Variants in C12orf56 observed in about 807,000 individuals in gnomAD.
C12orf56 encodes the protein uncharacterized protein C12orf56.
In C12orf56, 71 loss-of-function variants were observed where a neutral mutation model predicts 69.9. The observed-to-expected ratio is 1.02, with a 90% CI of 0.84 to 1.24. The LOEUF is 1.24. Among genes scored for constraint, C12orf56 ranks in the 50% most tolerant of loss-of-function variants. The pLI, the probability that C12orf56 is intolerant of heterozygous loss-of-function variation, is 0.00. For synonymous variants in C12orf56, 276 were observed against 274.1 expected, an observed-to-expected ratio of 1.01 and a Z score of -0.07; for missense variants, 732 against 738.5, an observed-to-expected ratio of 0.99 and a Z score of 0.10.
intron 10 of C12orf56, 113 bp from the exon 11 acceptor site, chr12:64,275,088 G>A: frequency 2.7e-6 from 3 of 1,112,614 alleles, no homozygotes; most frequent in South Asian, 3.2e-5. Flanking sequence ...CTTAAAATCA[G>A]TTTTGGAAAA....
At chr12:64,351,670 T>C (rs2039223617) in intron 2 of C12orf56, among the ~76,000 whole-genome samples, 1 of 152,068 alleles carries the variant, frequency 6.6e-6, no homozygotes, top group African/African-American at 2.4e-5. Flanking sequence ...CCTGATGTGG[T>C]CCCTGAGACT....
At chr12:64,302,302 T>C (rs2038456110) in intron 6 of C12orf56, among the ~76,000 whole-genome samples, 2 of 152,134 alleles carry the variant, frequency 1.3e-5, no homozygotes, top group Admixed American at 6.6e-5. Context: ...ACATTTGGCA[T>C]ATTATTCTCT....
chr12:64,296,702 T>A (rs1185461772), intron 6 of C12orf56, among the ~76,000 whole-genome samples: 2 of 152,122 alleles, frequency 1.3e-5, no homozygotes, highest in African/African-American at 4.8e-5. Flanking sequence ...TCTGAATGTG[T>A]CCCCCAAAGT....
At chr12:64,297,828 T>C (rs1029974250) in intron 6 of C12orf56, among the ~76,000 whole-genome samples, 9 of 152,240 alleles carry the variant, frequency 5.9e-5, no homozygotes, top group Non-Finnish European at 1.0e-4. Context: ...CTATTGTGAA[T>C]AGTGCTGCAA....
At chr12:64,379,743 C>T (rs1330995914) in intron 1 of C12orf56, among the ~76,000 whole-genome samples, 1 of 151,622 alleles carries the variant, frequency 6.6e-6, no homozygotes, top group Non-Finnish European at 1.5e-5. Flanking sequence ...AGAAAAGAAG[C>T]ATCTATAATA....
intron 6 of C12orf56, among the ~76,000 whole-genome samples, chr12:64,294,946 G>C (rs1450387483): frequency 6.6e-6 from 1 of 151,634 alleles, no homozygotes; most frequent in Non-Finnish European, 1.5e-5. Flanking sequence ...TGTCGCCCAG[G>C]CTGGAGTGCA....
intron 1 of C12orf56, among the ~76,000 whole-genome samples, chr12:64,372,921 A>T (rs1361845403): frequency 6.6e-6 from 1 of 152,166 alleles, no homozygotes. Context: ...TCTGCCTAGA[A>T]ACTTCTAATC....
chr12:64,387,923 A>C (rs2039815728), intron 1 of C12orf56, among the ~76,000 whole-genome samples: 1 of 152,240 alleles, frequency 6.6e-6, no homozygotes, highest in Non-Finnish European at 1.5e-5. Context: ...CTTTTGTGTC[A>C]AAACAATAAA....
intron 6 of C12orf56, among the ~76,000 whole-genome samples, chr12:64,297,457 A>C (rs2038381655): frequency 6.6e-6 from 1 of 152,082 alleles, no homozygotes. Context: ...TTTGTTATAC[A>C]CATGCCATGG....
chr12:64,367,488 G>C (rs2039513225), intron 1 of C12orf56, among the ~76,000 whole-genome samples: 1 of 150,666 alleles, frequency 6.6e-6, no homozygotes, highest in Admixed American at 6.7e-5. Flanking sequence ...CTCACTATGA[G>C]ACAACGTTTA....
chr12:64,347,896 C>T (rs1171238042), intron 2 of C12orf56, among the ~76,000 whole-genome samples: 1 of 152,080 alleles, frequency 6.6e-6, no homozygotes, highest in South Asian at 2.1e-4. Context: ...ATAAGATAAA[C>T]CTAAAAATTT....
At chr12:64,356,902 T>C (rs1412062376) in intron 1 of C12orf56, among the ~76,000 whole-genome samples, 2 of 152,206 alleles carry the variant, frequency 1.3e-5, no homozygotes, top group Non-Finnish European at 2.9e-5. Context: ...TTTAATGTTT[T>C]ATTGTCACTT....
At chr12:64,365,692 A>AGT (rs2039458748) in intron 1 of C12orf56, among the ~76,000 whole-genome samples, 14 of 145,562 alleles carry the variant, frequency 9.6e-5, no homozygotes, top group African/African-American at 3.2e-4. Flanking sequence ...AATATATTCT[A>AGT]TTATATAATA....
intron 2 of C12orf56, chr12:64,338,764 C>T: frequency 2.8e-6 from 4 of 1,419,724 alleles, no homozygotes; most frequent in Middle Eastern, 1.8e-4. Context: ...GCTTTATCTG[C>T]TTTTGCATGT....
intron 1 of C12orf56, among the ~76,000 whole-genome samples, chr12:64,383,361 T>C (rs2039746320): frequency 1.3e-5 from 2 of 152,002 alleles, no homozygotes; most frequent in African/African-American, 4.8e-5. Context: ...TAATTGGATT[T>C]TCCTGATTAC....
At chr12:64,351,005 A>G (rs2039215343) in intron 2 of C12orf56, among the ~76,000 whole-genome samples, 1 of 152,210 alleles carries the variant, frequency 6.6e-6, no homozygotes, top group Admixed American at 6.5e-5. Flanking sequence ...TACATTTTAG[A>G]CTAACCCTGT....
chr12:64,322,006 T>TATC (rs1340609636), intron 3 of C12orf56, among the ~76,000 whole-genome samples: 1 of 150,534 alleles, frequency 6.6e-6, no homozygotes, highest in Non-Finnish European at 1.5e-5. Context: ...TTATTTAATT[T>TATC]ATTATTATTA....
At chr12:64,342,308 G>A (rs569555337) in intron 2 of C12orf56, among the ~76,000 whole-genome samples, 112 of 152,356 alleles carry the variant, frequency 7.4e-4, no homozygotes, top group Admixed American at 1.8e-3. Context: ...ACTGCTCGAA[G>A]TTCTGCCCAA....
At position 64,274,838 on chromosome 12, in the gene C12orf56, A is replaced by C. The variant is rs1288001358; in HGVS notation, c.1584+63T>G. 1.8e-5 allele frequency: 22 copies of C among 1,253,352 alleles called. No individual in the cohort carries two copies. The East Asian group carries it at 4.9e-4, about 28-fold the overall frequency. 77.6% of individuals were successfully genotyped at this position (1,253,352 alleles called of 1,614,324 possible). On this transcript the variant is annotated intron_variant, in intron 11 of 12. Coordinates refer to ENST00000543942, the MANE Select transcript of C12orf56 (RefSeq NM_001170633.2). ...GGGAAAATCTGTGTTTTATTAATTA[A>C]GCACAAGAGTATCTGTTTAATTAGG...
Sources: gnomAD v4.1 joint callset for allele counts (sites outside exome capture counted in the v4.1 genomes callset) on GRCh38, gnomAD v4.1.1 for gene constraint, MANE v1.5 for transcripts, NCBI Gene and HGNC (gene_info 2026-07-23, HGNC 2026-07-21) for gene names.